The following CIAPIN1 variants were observed in gnomAD, a reference collection of about 807,000 sequenced individuals.
The protein encoded by CIAPIN1 is anamorsin.
Under a neutral mutation model 34.3 loss-of-function variants are expected in CIAPIN1, and 18 were observed. The ratio of observed to expected loss-of-function variants is 0.52; its 90% confidence interval spans 0.36 to 0.78. The LOEUF is 0.78. Ranked by LOEUF, CIAPIN1 falls within the 30% of genes least tolerant of loss-of-function variation. CIAPIN1 has a pLI of 0.00. For synonymous variants in CIAPIN1, 131 were observed against 140.4 expected (o/e 0.93, Z 0.47); for missense variants, 310 against 372.5 (o/e 0.83, Z 1.38).
chr16:57,442,793 T>C (rs1236370111), intron 1 of CIAPIN1, among the ~76,000 whole-genome samples: 5 of 152,246 alleles, frequency 3.3e-5, no homozygotes, highest in African/African-American at 1.2e-4. Flanking sequence ...TTGTCACTCT[T>C]TTCCTAAAGG....
chr16:57,429,840 G>A (rs1368818834), intron 8 of CIAPIN1, among the ~76,000 whole-genome samples: 1 of 151,140 alleles, frequency 6.6e-6, no homozygotes, highest in African/African-American at 2.4e-5. Flanking sequence ...AGGCTGGAGT[G>A]CAGTGGTGCG....
intron 6 of CIAPIN1, among the ~76,000 whole-genome samples, chr16:57,432,083 C>T (rs1024143126): frequency 5.3e-5 from 8 of 151,978 alleles, no homozygotes; most frequent in Non-Finnish European, 1.0e-4. Context: ...GAGGCCGAGG[C>T]GGGCAGATCA....
At chr16:57,440,612 G>A (rs369574801) in intron 2 of CIAPIN1, among the ~76,000 whole-genome samples, 160 bp downstream of exon 2, 2 of 152,042 alleles carry the variant, frequency 1.3e-5, no homozygotes, top group South Asian at 4.2e-4. Flanking sequence ...TATTGGGGGT[G>A]GTTCCTCCGA....
chr16:57,440,138 G>T (rs1365147929), intron 2 of CIAPIN1, among the ~76,000 whole-genome samples: 1 of 152,174 alleles, frequency 6.6e-6, no homozygotes, highest in African/African-American at 2.4e-5. Context: ...TGTCTTATAT[G>T]GTTGCAGATA....
intron 7 of CIAPIN1, chr16:57,430,772 T>A: frequency 4.3e-6 from 1 of 233,996 alleles, no homozygotes; most frequent in Non-Finnish European, 8.5e-6. Flanking sequence ...ATCCTTCCCA[T>A]CCATTTATAA....
chr16:57,434,157 C>T lies in CIAPIN1; in HGVS notation c.443G>A (p.Gly148Asp). ...AAACAGCAGGTTGTCACTTTCATGA[C>T]CAAGGTGTTCTCGAACAGACTGTAC... ...EEVQSVREHLGHESDNLLFVQ... is the reference protein window; with the variant it reads ...EEVQSVREHLDHESDNLLFVQ... Residue 148 changes from glycine (G) to aspartate (D), a missense_variant, in exon 5 of 9, where the codon GGT becomes GAT. By Grantham distance (94) the Gly-to-Asp change is moderately conservative. Transcript: ENST00000394391. 1 of 1,614,134 alleles carries T rather than the reference C, an allele frequency of 6.2e-7. No homozygotes were observed. Among genetic ancestry groups the T allele is most frequent in the South Asian group, 1.1e-5 (1 of 91,078 alleles).
At chr16:57,436,578 C>T in intron 4 of CIAPIN1, 78 bp downstream of exon 4, 1 of 1,106,970 alleles carries the variant, frequency 9.0e-7, no homozygotes, top group Non-Finnish European at 1.4e-6. Context: ...ACATGCACAG[C>T]ATTTCTTGTT....
intron 1 of CIAPIN1, among the ~76,000 whole-genome samples, chr16:57,445,958 G>T (rs149128977): frequency 2.2e-5 from 3 of 138,450 alleles, no homozygotes; most frequent in Non-Finnish European, 4.6e-5. Context: ...CGATTCTCCC[G>T]CCTCAGCCTC....
chr16:57,443,480 CAG>C (rs1164366058), intron 1 of CIAPIN1, among the ~76,000 whole-genome samples: 2 of 152,086 alleles, frequency 1.3e-5, no homozygotes, highest in African/African-American at 4.8e-5. Flanking sequence ...TTTTTTGAGA[CAG>C]AGTCTCACTC....
At chr16:57,430,999 AT>A (rs370066306) in intron 7 of CIAPIN1, 151 bp downstream of exon 7, 77,231 of 408,664 alleles carry the variant, frequency 0.19, no homozygotes, top group East Asian at 0.24. Context: ...TGCCTGGCTA[AT>A]TTTTTTTTTT....
chr16:57,432,336 T>G, intron 6 of CIAPIN1, 151 bp downstream of exon 6: 5 of 562,360 alleles, frequency 8.9e-6, no homozygotes, highest in Admixed American at 6.8e-5. Flanking sequence ...CAACATGGAG[T>G]TTCCTTCTAA....
In CIAPIN1 at chr16:57,434,085, C is replaced by T; in HGVS notation, c.515G>A (p.Arg172Lys). The T allele has an allele frequency of 1.9e-6, 3 of 1,614,114 alleles. No individual in the cohort carries two copies. The highest frequency in any genetic ancestry group is 1.1e-5 in the South Asian group (1 of 91,052). The change falls in exon 5 of 9, where the codon AGG (arginine) becomes AAG (lysine). Residue 172 changes from arginine (R) to lysine (K), a missense_variant. By Grantham distance (26) the Arg-to-Lys change is conservative (BLOSUM62 2). Coordinates refer to ENST00000394391, the MANE Select transcript of CIAPIN1 (RefSeq NM_020313.4). ...KKPNFEVGSSRQLKLSITKKS... is the reference protein window; with the variant it reads ...KKPNFEVGSSKQLKLSITKKS... ...CTTGGTGATGGAAAGCTTAAGCTGC[C>T]TAGAAGAACCCACTTCAAAGTTTGG...
At chr16:57,430,387 A>T in intron 7 of CIAPIN1, 48 bp from the exon 8 acceptor site, 2 of 1,572,374 alleles carry the variant, frequency 1.3e-6, no homozygotes, top group Non-Finnish European at 1.8e-6. Context: ...ACCACCCAGA[A>T]ATCCCAAATC....
chr16:57,441,159 T>C (rs1001533767), intron 1 of CIAPIN1, 176 bp from the exon 2 acceptor site: 8 of 333,702 alleles, frequency 2.4e-5, no homozygotes, highest in African/African-American at 1.3e-4. Context: ...AAGCCCAACA[T>C]TCCCAAAGAA....
At position 57,432,480 on chromosome 16, in the gene CIAPIN1, A is replaced by G. The variant is rs751987575; in HGVS notation, c.630+7T>C. On this transcript the variant is annotated splice_region_variant and intron_variant, in intron 6 of 8. Coordinates refer to ENST00000394391, the MANE Select transcript of CIAPIN1 (RefSeq NM_020313.4). Reference sequence around the variant, plus strand: ...AAAGCAATCAAGTGACAATGCTGCCAGCTCACCATGCTGTCGTCCTCCATA... The same window carrying G: ...AAAGCAATCAAGTGACAATGCTGCCGGCTCACCATGCTGTCGTCCTCCATA... The G allele has an allele frequency of 6.2e-6, 10 of 1,613,542 alleles. No homozygotes were observed. The Admixed American group carries it at 1.2e-4, about 19-fold the overall frequency.
At chr16:57,438,067 C>T (rs1442864268) in intron 3 of CIAPIN1, among the ~76,000 whole-genome samples, 3 of 152,188 alleles carry the variant, frequency 2.0e-5, no homozygotes, top group African/African-American at 7.2e-5. Context: ...TAAGACACTA[C>T]ATTTAGTCAT....
At chr16:57,430,944 T>C (rs1364340801) in intron 7 of CIAPIN1, among the ~76,000 whole-genome samples, 7 of 151,768 alleles carry the variant, frequency 4.6e-5, no homozygotes, top group Non-Finnish European at 1.0e-4. Flanking sequence ...GTGATCCTCC[T>C]GCCTTTGCCT....
chr16:57,442,853 T>C (rs1379076986), intron 1 of CIAPIN1, among the ~76,000 whole-genome samples: 3 of 152,158 alleles, frequency 2.0e-5, no homozygotes, highest in Admixed American at 2.0e-4. Flanking sequence ...GCCTTCTGGA[T>C]CCACGGCCTC....
intron 3 of CIAPIN1, 85 bp from the exon 4 acceptor site, chr16:57,436,817 G>T: frequency 1.9e-6 from 2 of 1,067,250 alleles, no homozygotes; most frequent in Non-Finnish European, 2.7e-6. Context: ...GGGTTCGCAG[G>T]CATTCAAACA....
Sources: allele counts gnomAD v4.1 joint callset (sites outside exome capture counted in the v4.1 genomes callset), GRCh38; gene constraint gnomAD v4.1.1; transcripts MANE v1.5; gene names NCBI Gene and HGNC (gene_info 2026-07-23, HGNC 2026-07-21).